CDK17: variants seen among roughly 807,000 people sequenced by gnomAD.
CDK17 encodes cyclin-dependent kinase 17.
CDK17 carries 24 observed loss-of-function variants against 77.6 expected under a neutral mutation model. That is an observed-to-expected ratio of 0.31 (90% CI 0.22 to 0.44). The LOEUF is 0.44. Ranked by LOEUF, CDK17 falls within the 20% of genes least tolerant of loss-of-function variation. The probability of loss-of-function intolerance (pLI) is 1.00; values close to 1 mark genes in which losing one functional copy is unlikely to be tolerated. For synonymous variants in CDK17, 203 were observed against 210.4 expected, an observed-to-expected ratio of 0.96 and a Z score of 0.30; for missense variants, 429 against 622.5, an observed-to-expected ratio of 0.69 and a Z score of 3.31.
intron 3 of CDK17, among the ~76,000 whole-genome samples, chr12:96,314,333 A>C (rs1172108346): frequency 2.0e-5 from 3 of 152,052 alleles, no homozygotes; most frequent in Non-Finnish European, 4.4e-5. Context: ...CTGGGAGTAC[A>C]GGCACCCATC....
chr12:96,334,860 A>G lies in CDK17; in HGVS notation c.-24T>C, dbSNP rs769240810. On this transcript the variant is annotated 5_prime_UTR_variant, in exon 2 of 17. Transcript: ENST00000261211. ...ATCCTATCAATTGAATGTGGCTTGA[A>G]AAATCCTGAAAGAAAAGAATAAACA... 9 of 1,197,434 alleles carry G rather than the reference A, an allele frequency of 7.5e-6. No individual in the cohort carries two copies. The highest frequency in any genetic ancestry group is 1.1e-5 in the Non-Finnish European group (9 of 803,268). 74.2% of individuals were successfully genotyped at this position (1,197,434 alleles called of 1,614,324 possible).
chr12:96,289,605 ATTAT>A (rs553990790), intron 10 of CDK17, among the ~76,000 whole-genome samples: 2 of 152,224 alleles, frequency 1.3e-5, no homozygotes, highest in Non-Finnish European at 2.9e-5. Flanking sequence ...TGATGACAAA[ATTAT>A]TTCTCAGCTG....
chr12:96,368,816 G>A (rs376685246), intron 1 of CDK17, among the ~76,000 whole-genome samples: 33,602 of 90,768 alleles, frequency 0.37, 12,611 homozygotes, highest in Non-Finnish European at 0.57. Context: ...CGGGGGGGGG[G>A]GGGGGGGGCA....
rs577599346 is a variant in CDK17 at position 96,375,229 on chromosome 12, G to A, written c.-30+24757C>T. On this transcript the variant is annotated intron_variant, in intron 1 of 16. Transcript: ENST00000261211. ...ACACCAGTTATCTTCACTGCTCCTT[G>A]CCTATAATTATAGGAGTTTGACCAG... Among the ~76,000 whole-genome samples the A allele has an allele frequency of 3.9e-5, 6 of 152,254 alleles. No homozygotes were observed. In the East Asian group the frequency reaches 5.8e-4, roughly 15 times the overall value.
In CDK17 at chr12:96,289,153, C is replaced by T. The variant is rs1952285082; in HGVS notation, c.1118+14G>A. The T allele has an allele frequency of 1.9e-6, 3 of 1,612,468 alleles. No individual in the cohort carries two copies. Among genetic ancestry groups the T allele is most frequent in the Non-Finnish European group, 1.7e-6 (2 of 1,178,692 alleles). On this transcript the variant is annotated intron_variant, in intron 11 of 16. Transcript: ENST00000261211. ...TCAAAATTATAAATGTCAGTGACAT[C>T]TGTATATATTTACCACATGTCAATC...
At chr12:96,341,893 T>G (rs371657104) in intron 1 of CDK17, among the ~76,000 whole-genome samples, 37 of 152,214 alleles carry the variant, frequency 2.4e-4, no homozygotes, top group African/African-American at 8.2e-4. Context: ...AAGGACTTAT[T>G]AGAGTGGCAA....
chr12:96,390,958 A>G (rs1954057760), intron 1 of CDK17, among the ~76,000 whole-genome samples: 1 of 150,994 alleles, frequency 6.6e-6, no homozygotes, highest in East Asian at 2.0e-4. Flanking sequence ...ATGGTGGCAC[A>G]CGCCTATAAT....
chr12:96,372,998 C>G (rs1953717843), intron 1 of CDK17, among the ~76,000 whole-genome samples: 1 of 152,176 alleles, frequency 6.6e-6, no homozygotes, highest in African/African-American at 2.4e-5. Flanking sequence ...CCTAGATTCT[C>G]TCTTTGCTTC....
Position 96,278,790 on chromosome 12 carries a change from T to C in CDK17, c.*1452A>G, listed in dbSNP as rs925210662. Reference sequence around the variant, plus strand: ...TTCCAGAATTTTTTAAAATTAAAATTTTAGTATCGTGAAATATTAAAATAA... The same window carrying C: ...TTCCAGAATTTTTTAAAATTAAAATCTTAGTATCGTGAAATATTAAAATAA... On this transcript the variant is annotated 3_prime_UTR_variant, in exon 17 of 17. Coordinates refer to ENST00000261211, the MANE Select transcript of CDK17 (RefSeq NM_002595.5). 1 of 152,488 alleles carries C rather than the reference T, an allele frequency of 6.6e-6. No homozygotes were observed. The highest frequency in any genetic ancestry group is 2.4e-5 in the African/African-American group (1 of 41,424). 9.4% of individuals were successfully genotyped at this position (152,488 alleles called of 1,614,324 possible).
chr12:96,290,239 T>C (rs532252269), intron 10 of CDK17, among the ~76,000 whole-genome samples: 62 of 152,370 alleles, frequency 4.1e-4, no homozygotes, highest in African/African-American at 1.3e-3. Context: ...TTTACAACTT[T>C]ATCTCTTGAG....
chr12:96,375,873 C>T (rs1018553609), intron 1 of CDK17, among the ~76,000 whole-genome samples: 1 of 152,112 alleles, frequency 6.6e-6, no homozygotes, highest in Non-Finnish European at 1.5e-5. Context: ...CAACTGCCTA[C>T]TTGGGCATGT....
intron 3 of CDK17, 36 bp from the exon 4 acceptor site, chr12:96,313,490 T>C (rs1293641850): frequency 8.9e-7 from 1 of 1,123,814 alleles, no homozygotes. Flanking sequence ...AGAGATACAT[T>C]ATATTCTAAT....
At chr12:96,301,771 G>A (rs1952509309) in intron 5 of CDK17, among the ~76,000 whole-genome samples, 1 of 152,142 alleles carries the variant, frequency 6.6e-6, no homozygotes, top group Non-Finnish European at 1.5e-5. Context: ...CCTTGGAACT[G>A]TGGAATAAAA....
intron 1 of CDK17, among the ~76,000 whole-genome samples, chr12:96,384,223 A>T (rs944800465): frequency 6.6e-6 from 1 of 152,242 alleles, no homozygotes; most frequent in Non-Finnish European, 1.5e-5. Context: ...CACCAGTCAG[A>T]ATGGCTATTA....
intron 1 of CDK17, among the ~76,000 whole-genome samples, chr12:96,378,108 T>C (rs764707038): frequency 6.6e-6 from 1 of 152,212 alleles, no homozygotes; most frequent in Non-Finnish European, 1.5e-5. Flanking sequence ...TACATTAGTA[T>C]GGTACTTATT....
In CDK17 at chr12:96,399,912, C is replaced by A. The variant is rs376849495; in HGVS notation, c.-30+74G>T. On this transcript the variant is annotated intron_variant, in intron 1 of 16. Coordinates refer to ENST00000261211, the MANE Select transcript of CDK17 (RefSeq NM_002595.5). ...GTAGCCCCCGCCCCCGCCTCTGTCCCACGCAGCCTCCCGGCCCCGCGGCCG... is the reference window on the plus strand; with the variant it reads ...GTAGCCCCCGCCCCCGCCTCTGTCCAACGCAGCCTCCCGGCCCCGCGGCCG... 9.4e-5 allele frequency: 32 copies of A among 340,606 alleles called. No individual in the cohort carries two copies. The East Asian group carries it at 1.1e-3, about 12-fold the overall frequency. The allele number at this position is 340,606 out of a possible 1,614,324, so 21.1% of individuals were successfully genotyped here. A position where few individuals can be genotyped will look rare whatever the true frequency, so the allele number is the denominator to read the frequency against.
chr12:96,395,510 A>AT (rs1429130732), intron 1 of CDK17, among the ~76,000 whole-genome samples: 20 of 152,336 alleles, frequency 1.3e-4, no homozygotes, highest in African/African-American at 4.8e-4. Context: ...AACAGGCAGA[A>AT]TACCTATATG....
chr12:96,350,149 T>C (rs375258287), intron 1 of CDK17, among the ~76,000 whole-genome samples: 95 of 152,306 alleles, frequency 6.2e-4, no homozygotes, highest in African/African-American at 2.2e-3. Flanking sequence ...GTATATCCCA[T>C]AGTCATGGAT....
intron 1 of CDK17, among the ~76,000 whole-genome samples, chr12:96,388,910 A>G (rs1954017836): frequency 6.6e-6 from 1 of 152,150 alleles, no homozygotes; most frequent in Non-Finnish European, 1.5e-5. Context: ...AAGAAGCTAC[A>G]AACTTTAAAA....
Sources: allele counts gnomAD v4.1 joint callset (sites outside exome capture counted in the v4.1 genomes callset), GRCh38; gene constraint gnomAD v4.1.1; transcripts MANE v1.5; gene names NCBI Gene and HGNC (gene_info 2026-07-23, HGNC 2026-07-21).